MORC2: variants seen among roughly 807,000 people sequenced by gnomAD.
MORC2 encodes MORC family CW-type zinc finger 2.
A neutral mutation model predicts 136.0 loss-of-function variants in MORC2; 30 were observed. That is an observed-to-expected ratio of 0.22 (90% confidence interval 0.17 to 0.30). The LOEUF (loss-of-function observed/expected upper bound fraction) is 0.30, where lower values mean the gene tolerates loss of function less well. Among genes scored for constraint, MORC2 ranks in the 10% least tolerant of loss-of-function variants. The probability of loss-of-function intolerance (pLI) is 1.00; values close to 1 mark genes in which losing one functional copy is unlikely to be tolerated. For missense variants in MORC2, 922 were observed against 1,333.1 expected (o/e 0.69, Z 4.80); for synonymous variants, 439 against 487.0 (o/e 0.90, Z 1.30).
At position 30,940,041 on chromosome 22, in the gene MORC2, G is replaced by C; in HGVS notation, c.905C>G (p.Ala302Gly). The C allele has an allele frequency of 6.2e-7, 1 of 1,613,402 alleles. No homozygotes were observed. Among genetic ancestry groups the C allele is most frequent in the South Asian group, 1.1e-5 (1 of 91,040 alleles). ...CTCTGCCTCCCGCGCCTTCTCTTCA[G>C]CTGAAACCCAGAAGAGAACATGGTA... ...VKKAEHVARI[A>G]EEKAREAESK... Residue 302 changes from alanine (A) to glycine (G), a missense_variant and splice_region_variant, in exon 11 of 26, where the codon GCT becomes GGT. Around this residue, in one of 9 missense-constraint regions of MORC2, gnomAD observed 261 missense variants for 354.3 expected, o/e 0.74. Coordinates refer to ENST00000397641, the MANE Select transcript of MORC2 (RefSeq NM_001303256.3).
chr22:30,949,993 G>A, intron 4 of MORC2, 151 bp from the exon 5 acceptor site: 1 of 688,036 alleles, frequency 1.5e-6, no homozygotes, highest in Non-Finnish European at 2.5e-6. Flanking sequence ...GAAGCACATG[G>A]AGGCACAGCT....
intron 3 of MORC2, among the ~76,000 whole-genome samples, chr22:30,950,761 T>A (rs1393967444): frequency 6.6e-6 from 1 of 152,208 alleles, no homozygotes; most frequent in Non-Finnish European, 1.5e-5. Flanking sequence ...CCTATCCTTC[T>A]GCTCACTCCA....
chr22:30,950,310 T>G (rs1303174508), intron 4 of MORC2, 67 bp downstream of exon 4: 22 of 1,512,092 alleles, frequency 1.5e-5, no homozygotes, highest in Non-Finnish European at 2.0e-5. Context: ...GTTCACACAA[T>G]AAGTATTTTG....
intron 21 of MORC2, 111 bp from the exon 22 acceptor site, chr22:30,933,141 G>C: frequency 6.8e-7 from 1 of 1,464,272 alleles, no homozygotes; most frequent in Non-Finnish European, 9.3e-7. Flanking sequence ...GGAACACTTA[G>C]GTGCTTGCCC....
At chr22:30,956,604 T>C (rs142818673) in intron 3 of MORC2, among the ~76,000 whole-genome samples, 159 bp downstream of exon 3, 48 of 152,348 alleles carry the variant, frequency 3.2e-4, no homozygotes, top group African/African-American at 1.1e-3. Context: ...GAGCTGACCA[T>C]ACCTGACTAC....
rs1419401476 is a variant in MORC2, at chr22:30,925,995, C to T, written c.*808G>A. The T allele has an allele frequency of 6.6e-6, 1 of 152,602 alleles. No individual in the cohort carries two copies. Among genetic ancestry groups the T allele is most frequent in the South Asian group, 2.1e-4 (1 of 4,830 alleles). 9.5% of individuals were successfully genotyped at this position (152,602 alleles called of 1,614,324 possible). ...CACCCACACATGGAGGTCACCAGCT[C>T]AGCCCCAGGGGTTCTTTCACACACA... On this transcript the variant is annotated 3_prime_UTR_variant, in exon 26 of 26. Coordinates refer to ENST00000397641, the MANE Select transcript of MORC2 (RefSeq NM_001303256.3).
intron 3 of MORC2, among the ~76,000 whole-genome samples, chr22:30,951,489 G>T (rs1158901933): frequency 1.3e-5 from 2 of 152,200 alleles, no homozygotes; most frequent in East Asian, 3.9e-4. Context: ...GAGGTATAGG[G>T]AGGAGACCCA....
chr22:30,936,277 T>C (rs1025936878), intron 17 of MORC2, among the ~76,000 whole-genome samples: 2 of 152,198 alleles, frequency 1.3e-5, no homozygotes, highest in Non-Finnish European at 2.9e-5. Flanking sequence ...TTGGACCACT[T>C]TGAAGTATAT....
At chr22:30,950,353 C>CAACAAAAAAAA in intron 4 of MORC2, 24 bp downstream of exon 4, 1 of 1,481,958 alleles carries the variant, frequency 6.7e-7, no homozygotes, top group Non-Finnish European at 9.4e-7. Context: ...CCCCACCCCC[C>CAACAAAAAAAA]AAAACAATAA....
chr22:30,951,806 G>T (rs892615101), intron 3 of MORC2, among the ~76,000 whole-genome samples: 1 of 151,862 alleles, frequency 6.6e-6, no homozygotes, highest in Non-Finnish European at 1.5e-5. Flanking sequence ...AAATTAAAAT[G>T]CTATTTTTTT....
At chr22:30,958,585 A>G in intron 2 of MORC2, 56 bp downstream of exon 2, 3 of 1,403,688 alleles carry the variant, frequency 2.1e-6, no homozygotes, top group Non-Finnish European at 2.9e-6. Flanking sequence ...CAAAGGTCAC[A>G]GCTACCTAAA....
At chr22:30,950,783 A>G (rs1251968352) in intron 3 of MORC2, among the ~76,000 whole-genome samples, 1 of 152,138 alleles carries the variant, frequency 6.6e-6, no homozygotes, top group Non-Finnish European at 1.5e-5. Flanking sequence ...CTGGATTACT[A>G]TCACTTCTGC....
intron 3 of MORC2, among the ~76,000 whole-genome samples, chr22:30,953,273 CG>C (rs2040917327): frequency 6.6e-6 from 1 of 152,138 alleles, no homozygotes; most frequent in African/African-American, 2.4e-5. Flanking sequence ...GTATGTTCCC[CG>C]CCTCCCATCA....
rs866238566 is a variant in MORC2 at position 30,925,974 on chromosome 22, C to T, written c.*829G>A. 1.2e-4 allele frequency: 18 copies of T among 152,726 alleles called. No individual in the cohort carries two copies. Among genetic ancestry groups the T allele is most frequent in the African/African-American group, 3.9e-4 (16 of 41,446 alleles). 9.5% of individuals were successfully genotyped at this position (152,726 alleles called of 1,614,324 possible). ...GCACCATCCAAGGCCCTGCTGCACCCACACATGGAGGTCACCAGCTCAGCC... is the reference window on the plus strand; with the variant it reads ...GCACCATCCAAGGCCCTGCTGCACCTACACATGGAGGTCACCAGCTCAGCC... On this transcript the variant is annotated 3_prime_UTR_variant, in exon 26 of 26. Coordinates refer to ENST00000397641, the MANE Select transcript of MORC2 (RefSeq NM_001303256.3).
At chr22:30,929,382 A>G (rs1406556314) in intron 24 of MORC2, among the ~76,000 whole-genome samples, 2 of 152,238 alleles carry the variant, frequency 1.3e-5, no homozygotes, top group African/African-American at 4.8e-5. Flanking sequence ...CCTGATCCAT[A>G]TGGTATAAAG....
intron 1 of MORC2, among the ~76,000 whole-genome samples, chr22:30,961,686 A>G (rs564163113): frequency 6.6e-6 from 1 of 152,334 alleles, no homozygotes; most frequent in East Asian, 1.9e-4. Flanking sequence ...CAGAATAAAT[A>G]ATGAAGTTTC....
intron 1 of MORC2, chr22:30,967,465 G>A: frequency 8.7e-6 from 9 of 1,033,262 alleles, no homozygotes; most frequent in Non-Finnish European, 9.3e-6. Flanking sequence ...TGTCACTACA[G>A]AGGGGAAACG....
Position 30,937,945 on chromosome 22 carries a change from A to C in MORC2, c.1239T>G (p.Val413=). The change falls in exon 14 of 26, where the codon GTT becomes GTG. Residue 413 remains valine, a synonymous_variant. Transcript: ENST00000397641. The surrounding 1 kb of genome is among the most constrained non-coding windows in gnomAD (Gnocchi z 4.7). ...GGMACGGVVG[V]VDVPYLVLEP... Reference sequence around the variant, plus strand: ...CCAGGACCAGGTAGGGCACATCAACAACCCCAACAACCCCGCCACATGCCC... The same window carrying C: ...CCAGGACCAGGTAGGGCACATCAACCACCCCAACAACCCCGCCACATGCCC... The C allele has an allele frequency of 6.2e-7, 1 of 1,614,062 alleles. No homozygotes were observed. Among genetic ancestry groups the C allele is most frequent in the Non-Finnish European group, 8.5e-7 (1 of 1,179,974 alleles).
At chr22:30,949,919 T>C (rs772864314) in intron 4 of MORC2, 77 bp from the exon 5 acceptor site, 13 of 1,352,536 alleles carry the variant, frequency 9.6e-6, no homozygotes, top group Non-Finnish European at 1.2e-5. Flanking sequence ...GGTCTGAGCC[T>C]TGTTAAATCC....
Sources: allele counts gnomAD v4.1 joint callset (sites outside exome capture counted in the v4.1 genomes callset), GRCh38; gene constraint gnomAD v4.1.1; regional missense constraint gnomAD v4.1.1; non-coding constraint Gnocchi (gnomAD v3.1); transcripts MANE v1.5; gene names NCBI Gene and HGNC (gene_info 2026-07-23, HGNC 2026-07-21).